MLXIP: variants seen among roughly 807,000 people sequenced by gnomAD.
The protein encoded by MLXIP is MLX-interacting protein.
MLXIP carries 30 observed loss-of-function variants against 87.2 expected under a neutral mutation model. The ratio of observed to expected loss-of-function variants is 0.34; its 90% CI spans 0.26 to 0.47. The LOEUF (loss-of-function observed/expected upper bound fraction) is 0.47. MLXIP is among the 20% of genes least tolerant of loss of function. The probability of loss-of-function intolerance (pLI) is 1.00; values close to 1 mark genes in which losing one functional copy is unlikely to be tolerated. For synonymous variants in MLXIP, 530 were observed against 514.0 expected (o/e 1.03, Z -0.42); for missense variants, 1,002 against 1,240.1 (o/e 0.81, Z 2.88).
Position 122,133,530 on chromosome 12 carries a change from G to A in MLXIP, c.1275G>A (p.Pro425=), listed in dbSNP as rs374527589. The change falls in exon 9 of 17, where the codon CCG becomes CCA. Residue 425 remains proline, a synonymous_variant. Transcript: ENST00000319080. This position sits in a 1 kb window ranked among gnomAD's most constrained non-coding sequence, Gnocchi z 4.9. The stretch of plus-strand genomic sequence containing the variant: ...CCTCAGAGCCGCCACTGAGTGTCCC[G>A]CAGCCCTTCCTCCCTGTCTTCACCA... ...FGPSEPPLSV[P]QPFLPVFTMP... is the part of the protein sequence containing the mutation. 7.1e-5 allele frequency: 114 copies of A among 1,609,446 alleles called. No homozygotes were observed. Among genetic ancestry groups the A allele is most frequent in the Middle Eastern group, 1.7e-4 (1 of 6,056 alleles).
At chr12:122,125,571 C>T (rs1487027618) in intron 1 of MLXIP, among the ~76,000 whole-genome samples, 1 of 152,198 alleles carries the variant, frequency 6.6e-6, no homozygotes, top group Non-Finnish European at 1.5e-5. Flanking sequence ...GCAGGTACGC[C>T]ATGACACAGC....
At position 122,137,604 on chromosome 12, in the gene MLXIP, C is replaced by T. The variant is rs778132695; in HGVS notation, c.2154+14C>T. The stretch of plus-strand genomic sequence containing the variant: ...GCTGCACTAAAGGTACCGCATGTCT[C>T]CTCTTGGTTCCCTTGGGAGGAGGGG... On this transcript the variant is annotated intron_variant, in intron 12 of 16. Coordinates refer to ENST00000319080, the MANE Select transcript of MLXIP (RefSeq NM_014938.6). The surrounding 1 kb of genome is among the most constrained non-coding windows in gnomAD (Gnocchi z 4.1). The T allele has an allele frequency of 1.6e-5, 26 of 1,612,806 alleles. No homozygotes were observed. Among genetic ancestry groups the T allele is most frequent in the Non-Finnish European group, 2.1e-5 (25 of 1,179,302 alleles).
intron 1 of MLXIP, among the ~76,000 whole-genome samples, chr12:122,106,834 T>G (rs1418719007): frequency 6.6e-6 from 1 of 152,060 alleles, no homozygotes; most frequent in Non-Finnish European, 1.5e-5. Context: ...ACTCCTGACC[T>G]CAGGTGATAC....
In MLXIP at chr12:122,079,020, C is replaced by T; in HGVS notation, c.167C>T (p.Ala56Val). The T allele has an allele frequency of 7.6e-7, 1 of 1,318,288 alleles. No homozygotes were observed. Among genetic ancestry groups the T allele is most frequent in the South Asian group, 1.7e-5 (1 of 60,054 alleles). 81.7% of individuals were successfully genotyped at this position (1,318,288 alleles called of 1,614,324 possible). The change falls in exon 1 of 17, where the codon GCC (alanine) becomes GTC (valine). Residue 56 changes from alanine (A) to valine (V), a missense_variant. Physicochemically the swap from Ala to Val is moderately conservative, Grantham distance 64. Transcript: ENST00000319080. ...ACCCCGGCCCGGGCCCACGCGAGCGCCGCGCCACCGCCGCCTCGGGCCGGG... is the reference window on the plus strand; with the variant it reads ...ACCCCGGCCCGGGCCCACGCGAGCGTCGCGCCACCGCCGCCTCGGGCCGGG... The part of the protein sequence containing the change: ...AATPARAHAS[A>V]APPPPRAGPG...
intron 6 of MLXIP, among the ~76,000 whole-genome samples, chr12:122,130,626 C>T (rs1486063820): frequency 6.6e-6 from 1 of 151,806 alleles, no homozygotes; most frequent in African/African-American, 2.4e-5. Flanking sequence ...GGTGTCCATT[C>T]CCTGATACTC....
In MLXIP at chr12:122,133,637, AC is replaced by A; in HGVS notation, c.1388del (p.Pro463ArgfsTer46). ...PLVPPPATALNPPAPPTFHQP... is the reference protein window; with the variant it reads ...PLVPPPATALXPPAPPTFHQP... ...GTTCCTCCTCCTGCCACTGCCCTGA[AC>A]CCCCCGGCTCCACCCACCTTCCATC... On this transcript the variant is annotated frameshift_variant, in exon 9 of 17. Coordinates refer to ENST00000319080, the MANE Select transcript of MLXIP (RefSeq NM_014938.6). LOFTEE classifies it high-confidence loss of function. This position sits in a 1 kb window ranked among gnomAD's most constrained non-coding sequence, Gnocchi z 4.9. 2 of 1,611,050 alleles carry A rather than the reference AC, an allele frequency of 1.2e-6. No homozygotes were observed.
intron 1 of MLXIP, among the ~76,000 whole-genome samples, chr12:122,107,233 A>G (rs372911736): frequency 2.9e-4 from 44 of 151,946 alleles, no homozygotes; most frequent in African/African-American, 1.0e-3. Flanking sequence ...AGGTGACAGG[A>G]CAGCTGTGAA....
chr12:122,093,953 G>GTGTGTGT (rs1593065768), intron 1 of MLXIP, among the ~76,000 whole-genome samples: 1 of 144,542 alleles, frequency 6.9e-6, no homozygotes, highest in East Asian at 2.1e-4. Context: ...GTGTGTTGGT[G>GTGTGTGT]TGTGTGTTGG....
At chr12:122,110,773 A>T (rs1014594240) in intron 1 of MLXIP, among the ~76,000 whole-genome samples, 4 of 151,420 alleles carry the variant, frequency 2.6e-5, no homozygotes, top group African/African-American at 9.7e-5. Context: ...CCTGCTCTTC[A>T]AAAGAAAAAA....
chr12:122,114,559 G>A (rs187765269), intron 1 of MLXIP, among the ~76,000 whole-genome samples: 223 of 152,256 alleles, frequency 1.5e-3, no homozygotes, highest in African/African-American at 5.1e-3. Context: ...GGTTGGAACT[G>A]ATACCCTGTG....
intron 1 of MLXIP, among the ~76,000 whole-genome samples, chr12:122,113,993 T>TC (rs1475041910): frequency 1.3e-5 from 2 of 149,056 alleles, no homozygotes; most frequent in Non-Finnish European, 3.0e-5. Flanking sequence ...CCTTTTTTTT[T>TC]TTTTTTTTTG....
chr12:122,079,049 G>A lies in MLXIP; in HGVS notation c.196G>A (p.Gly66Ser), dbSNP rs1170877618. Residue 66 changes from glycine to serine, a missense_variant, in exon 1 of 17, where the codon GGC becomes AGC. Transcript: ENST00000319080. ...GCCACCGCCGCCTCGGGCCGGGCCG[G>A]GCCGCGAGGAACCTCCGCGCCGCCA... is the stretch of plus-strand genomic sequence containing the variant. Reference protein sequence around the residue: ...AAPPPPRAGPGREEPPRRQQI... With the variant: ...AAPPPPRAGPSREEPPRRQQI... 3 of 1,494,700 alleles carry A rather than the reference G, an allele frequency of 2.0e-6. No homozygotes were observed. The highest frequency in any genetic ancestry group is 4.3e-5 in the Admixed American group (2 of 46,228). 92.6% of individuals were successfully genotyped at this position (1,494,700 alleles called of 1,614,324 possible). A position where few individuals can be genotyped will look rare whatever the true frequency, so the allele number is the denominator to read the frequency against.
chr12:122,110,761 A>G (rs1234417570), intron 1 of MLXIP, among the ~76,000 whole-genome samples: 2 of 151,448 alleles, frequency 1.3e-5, no homozygotes, highest in African/African-American at 4.8e-5. Flanking sequence ...ACAGAGCTAG[A>G]TCCTGCTCTT....
chr12:122,101,733 A>C lies in MLXIP; in HGVS notation c.413+22467A>C, dbSNP rs375238391. Among the ~76,000 whole-genome samples the C allele has an allele frequency of 8.9e-3, 1,351 of 151,754 alleles. 18 individuals carry two copies. Among genetic ancestry groups the C allele is most frequent in the African/African-American group, 0.019 (798 of 41,414 alleles). On this transcript the variant is annotated intron_variant, in intron 1 of 16. Coordinates refer to ENST00000319080, the MANE Select transcript of MLXIP (RefSeq NM_014938.6). ...GTAGCTGGGATTACAGGCCCATGCC[A>C]CCATGCCCAGCTACTTTTTGTATTT...
rs1232652571 is a variant in MLXIP, at chr12:122,100,362, TA to T, written c.413+21098del. On this transcript the variant is annotated intron_variant, in intron 1 of 16. Coordinates refer to ENST00000319080, the MANE Select transcript of MLXIP (RefSeq NM_014938.6). ...TAAGGAATAGAGCTTCCTTTGATAT[TA>T]ACCAGTTTTCTAGATCACTGTTTAT... 2.0e-5 allele frequency among the ~76,000 whole-genome samples: 3 copies of T among 152,364 alleles called. No homozygotes were observed. The East Asian group carries it at 5.8e-4, about 29-fold the overall frequency.
At position 122,089,009 on chromosome 12, in the gene MLXIP, CAAAAAAAAA is replaced by C. The variant is rs1177216284; in HGVS notation, c.413+9758_413+9766del. Among the ~76,000 whole-genome samples the C allele has an allele frequency of 1.7e-3, 82 of 47,842 alleles. No individual in the cohort carries two copies. The Middle Eastern group carries it at 0.033, about 19-fold the overall frequency. 31.4% of individuals were successfully genotyped at this position (47,842 alleles called of 152,430 possible). A position where few individuals can be genotyped will look rare whatever the true frequency, so the allele number is the denominator to read the frequency against. On this transcript the variant is annotated intron_variant, in intron 1 of 16. Coordinates refer to ENST00000319080, the MANE Select transcript of MLXIP (RefSeq NM_014938.6). ...CAATGTAGTGAGACCCCCATCTCTA[CAAAAAAAAA>C]AAAAAAAAAAAAAATTAGCTGGGTG...
chr12:122,093,781 T>C (rs1373847409), intron 1 of MLXIP, among the ~76,000 whole-genome samples: 1 of 119,446 alleles, frequency 8.4e-6, no homozygotes, highest in Non-Finnish European at 1.8e-5. Flanking sequence ...GTGTGTGTAT[T>C]TGCAGTGTCT....
intron 1 of MLXIP, among the ~76,000 whole-genome samples, chr12:122,114,604 G>C (rs1483719506): frequency 1.3e-5 from 2 of 152,134 alleles, no homozygotes; most frequent in Non-Finnish European, 2.9e-5. Flanking sequence ...ATTGGTAACT[G>C]TTCTGTGGCC....
chr12:122,083,593 T>A (rs1057060741), intron 1 of MLXIP, among the ~76,000 whole-genome samples: 6 of 152,134 alleles, frequency 3.9e-5, no homozygotes, highest in Admixed American at 1.3e-4. Flanking sequence ...TTTGTATTTT[T>A]AGTAGAGATG....
Sources: allele counts gnomAD v4.1 joint callset (sites outside exome capture counted in the v4.1 genomes callset), GRCh38; gene constraint gnomAD v4.1.1; non-coding constraint Gnocchi (gnomAD v3.1); transcripts MANE v1.5; gene names NCBI Gene and HGNC (gene_info 2026-07-23, HGNC 2026-07-21).